The following ATP6V0E1 variants were observed in gnomAD, a reference collection of about 807,000 sequenced individuals.
ATP6V0E1 encodes the protein V-type proton ATPase subunit e 1.
Under a neutral mutation model 11.6 loss-of-function variants are expected in ATP6V0E1, and 4 were observed. That is an observed-to-expected ratio of 0.35 (90% CI 0.17 to 0.79). The LOEUF (loss-of-function observed/expected upper bound fraction) is 0.79, where lower values mean the gene tolerates loss of function less well. Ranked by LOEUF, ATP6V0E1 falls within the 30% of genes least tolerant of loss-of-function variation. The pLI, the probability that ATP6V0E1 is intolerant of heterozygous loss-of-function variation, is 0.54. For missense variants in ATP6V0E1, 105 were observed against 100.0 expected (o/e 1.05, Z -0.21); for synonymous variants, 36 against 34.8 (o/e 1.04, Z -0.13).
rs1455776651 is a variant in ATP6V0E1 at position 172,994,829 on chromosome 5, A to T, written c.152+7A>T. 1 of 1,595,388 alleles carries T rather than the reference A, an allele frequency of 6.3e-7. No individual in the cohort carries two copies. Among genetic ancestry groups the T allele is most frequent in the Admixed American group, 1.7e-5 (1 of 57,806 alleles). On this transcript the variant is annotated splice_region_variant and intron_variant, in intron 2 of 3. Coordinates refer to ENST00000519374, the MANE Select transcript of ATP6V0E1 (RefSeq NM_003945.4). ...CAGTTTGCTGCTATCTCTTGTAAGTAATTTTTTCTTAAGTAATTATTCTTG... is the reference window on the plus strand; with the variant it reads ...CAGTTTGCTGCTATCTCTTGTAAGTTATTTTTTCTTAAGTAATTATTCTTG...
intron 3 of ATP6V0E1, chr5:173,020,824 C>G (rs1490592999): frequency 1.9e-6 from 1 of 519,758 alleles, no homozygotes; most frequent in Non-Finnish European, 3.8e-6. Context: ...GCCTGCGCCA[C>G]TGTTCTGGTG....
At chr5:173,009,765 CTTTT>C (rs1169432985) in intron 2 of ATP6V0E1, among the ~76,000 whole-genome samples, 2 of 117,228 alleles carry the variant, frequency 1.7e-5, no homozygotes, top group Non-Finnish European at 3.5e-5. Context: ...CGCCTGGCCT[CTTTT>C]TTTTTTTTTT....
At chr5:172,999,618 C>T (rs960920401) in intron 2 of ATP6V0E1, among the ~76,000 whole-genome samples, 4 of 152,344 alleles carry the variant, frequency 2.6e-5, no homozygotes, top group Non-Finnish European at 4.4e-5. Context: ...TGAGCCACCA[C>T]GCCCAGTCAT....
intron 2 of ATP6V0E1, among the ~76,000 whole-genome samples, chr5:173,018,471 A>G (rs1756435324): frequency 6.6e-6 from 1 of 152,172 alleles, no homozygotes; most frequent in Admixed American, 6.5e-5. Flanking sequence ...GAGCAGGCCC[A>G]GGCATCCAAG....
chr5:173,029,116 A>G (rs1408249055), intron 3 of ATP6V0E1, among the ~76,000 whole-genome samples: 1 of 152,188 alleles, frequency 6.6e-6, no homozygotes, highest in South Asian at 2.1e-4. Flanking sequence ...CTGTTTTTCT[A>G]TGCATTCCTA....
Position 173,032,100 on chromosome 5 carries a change from G to C in ATP6V0E1, c.*37-2299G>C, listed in dbSNP as rs189390630. ...CCAGGAGGTGGTGGTTGCAGTGAGC[G>C]GTGATGGTGCCACTGCATTTACTCC... On this transcript the variant is annotated intron_variant, in intron 3 of 3. Transcript: ENST00000519374. Among the ~76,000 whole-genome samples the C allele has an allele frequency of 3.0e-3, 455 of 151,978 alleles. 3 individuals carry two copies. Among genetic ancestry groups the C allele is most frequent in the African/African-American group, 0.011 (441 of 41,484 alleles).
At chr5:172,985,015 G>A (rs988159902) in intron 1 of ATP6V0E1, among the ~76,000 whole-genome samples, 16 of 152,322 alleles carry the variant, frequency 1.1e-4, no homozygotes, top group Middle Eastern at 3.4e-3. Flanking sequence ...GGGAGGCCAA[G>A]GCGGGCGGAT....
intron 1 of ATP6V0E1, 55 bp from the exon 2 acceptor site, chr5:172,994,720 T>G: frequency 7.2e-7 from 1 of 1,390,358 alleles, no homozygotes; most frequent in Non-Finnish European, 1.0e-6. Flanking sequence ...CATTCTGTGA[T>G]GTTTGCATAG....
intron 2 of ATP6V0E1, among the ~76,000 whole-genome samples, chr5:173,005,241 G>A (rs527875): frequency 0.42 from 64,009 of 151,674 alleles, 16,254 homozygotes; most frequent in East Asian, 0.78. Flanking sequence ...TCTTAATGAT[G>A]TTGAGTTTTC....
chr5:173,033,563 T>C (rs1756697522), intron 3 of ATP6V0E1, among the ~76,000 whole-genome samples: 1 of 151,934 alleles, frequency 6.6e-6, no homozygotes, highest in African/African-American at 2.4e-5. Flanking sequence ...ATAGTCTGTT[T>C]AGGGCATGAT....
intron 2 of ATP6V0E1, among the ~76,000 whole-genome samples, chr5:172,996,572 A>AG (rs1049549622): frequency 6.6e-6 from 1 of 150,384 alleles, no homozygotes. Flanking sequence ...AAAAAAAAAA[A>AG]AAATACATAC....
rs567179734 is a variant in ATP6V0E1, at chr5:172,991,716, ATATT to A, written c.105-3051_105-3048del. Among the ~76,000 whole-genome samples the A allele has an allele frequency of 1.5e-3, 234 of 152,284 alleles. 1 individual carries two copies. The highest frequency in any genetic ancestry group is 5.3e-3 in the African/African-American group (222 of 41,554). On this transcript the variant is annotated intron_variant, in intron 1 of 3. Transcript: ENST00000519374. Reference sequence around the variant, plus strand: ...ATTTCTTTAGCACAATCCCCCATACATATTTATTTATATTTTATAAGTGTAATGT... The same window carrying A: ...ATTTCTTTAGCACAATCCCCCATACATATTTATATTTTATAAGTGTAATGT...
intron 1 of ATP6V0E1, among the ~76,000 whole-genome samples, chr5:172,986,496 A>G (rs1216115320): frequency 6.6e-6 from 1 of 151,906 alleles, no homozygotes; most frequent in Non-Finnish European, 1.5e-5. Flanking sequence ...GGTGGTGCAC[A>G]CCTGTGGTCC....
intron 1 of ATP6V0E1, among the ~76,000 whole-genome samples, chr5:172,988,711 G>A (rs574227895): frequency 2.0e-5 from 3 of 152,082 alleles, no homozygotes; most frequent in South Asian, 2.1e-4. Flanking sequence ...TTTTTTTTGA[G>A]ACAGTCTTCC....
chr5:172,993,242 C>T (rs1177792612), intron 1 of ATP6V0E1, among the ~76,000 whole-genome samples: 1 of 152,170 alleles, frequency 6.6e-6, no homozygotes, highest in Non-Finnish European at 1.5e-5. Context: ...CACACAGTGG[C>T]TCATGCCTGT....
chr5:173,017,272 C>G (rs505716), intron 2 of ATP6V0E1, among the ~76,000 whole-genome samples: 70,497 of 151,990 alleles, frequency 0.46, 18,737 homozygotes, highest in East Asian at 0.81. Flanking sequence ...GGTGGCTCAC[C>G]CCTGTAATCC....
At chr5:173,028,706 C>A (rs912664567) in intron 3 of ATP6V0E1, among the ~76,000 whole-genome samples, 1 of 152,194 alleles carries the variant, frequency 6.6e-6, no homozygotes. Context: ...AGTTACAGCA[C>A]GTTATGTTTA....
intron 2 of ATP6V0E1, among the ~76,000 whole-genome samples, chr5:172,999,133 G>A (rs1053742012): frequency 1.2e-4 from 18 of 151,774 alleles, no homozygotes; most frequent in Admixed American, 5.9e-4. Flanking sequence ...TCCATCTCAG[G>A]AGGGAAAAAA....
chr5:172,999,273 CAAAAG>C (rs1340124939), intron 2 of ATP6V0E1, among the ~76,000 whole-genome samples: 2 of 151,646 alleles, frequency 1.3e-5, no homozygotes, highest in Non-Finnish European at 1.5e-5. Flanking sequence ...ATATTTAAAA[CAAAAG>C]AAAACAAAAA....
Sources: gnomAD v4.1 joint callset for allele counts (sites outside exome capture counted in the v4.1 genomes callset) on GRCh38, gnomAD v4.1.1 for gene constraint, MANE v1.5 for transcripts, NCBI Gene and HGNC (gene_info 2026-07-23, HGNC 2026-07-21) for gene names.